ARHGEF7: variants seen among roughly 807,000 people sequenced by gnomAD.
ARHGEF7 encodes PAK-interacting exchange factor beta.
Under a neutral mutation model 109.8 loss-of-function variants are expected in ARHGEF7, and 33 were observed. That is an observed-to-expected ratio of 0.30 (90% CI 0.23 to 0.40). The LOEUF is 0.40. Ranked by LOEUF, ARHGEF7 falls within the 10% of genes least tolerant of loss-of-function variation. The pLI, the probability that ARHGEF7 is intolerant of heterozygous loss-of-function variation, is 1.00. For missense variants in ARHGEF7, 938 were observed against 1,098.5 expected, an observed-to-expected ratio of 0.85 and a Z score of 2.07; for synonymous variants, 458 against 424.6, an observed-to-expected ratio of 1.08 and a Z score of -0.97.
chr13:111,260,733 T>A (rs1462484840), intron 8 of ARHGEF7, among the ~76,000 whole-genome samples: 2 of 152,356 alleles, frequency 1.3e-5, no homozygotes, highest in Non-Finnish European at 1.5e-5. Context: ...ATGTGTAAAC[T>A]ACTCATATCT....
intron 2 of ARHGEF7, among the ~76,000 whole-genome samples, chr13:111,194,909 C>T (rs1171838057): frequency 6.6e-6 from 1 of 152,170 alleles, no homozygotes; most frequent in Non-Finnish European, 1.5e-5. Context: ...TCTGCTTCCT[C>T]TGGTATTTGA....
chr13:111,195,198 T>A (rs1235101964), intron 2 of ARHGEF7, among the ~76,000 whole-genome samples: 1 of 152,184 alleles, frequency 6.6e-6, no homozygotes, highest in East Asian at 1.9e-4. Flanking sequence ...GGTGGGCATT[T>A]TTTGCCCTTC....
At chr13:111,299,271 A>C (rs184519015) in intron 19 of ARHGEF7, among the ~76,000 whole-genome samples, 34 of 151,866 alleles carry the variant, frequency 2.2e-4, no homozygotes, top group African/African-American at 8.0e-4. Context: ...AAGCTTTGGC[A>C]TCATCCTTAA....
rs1022987631 is a variant in ARHGEF7, at chr13:111,152,725, T to C, written c.166-1180T>C. Among the ~76,000 whole-genome samples the C allele has an allele frequency of 2.6e-5, 4 of 152,256 alleles. No homozygotes were observed. The South Asian group carries it at 8.3e-4, about 31-fold the overall frequency. ...TCTAGATGACGCATTAGTTTAAATG[T>C]CAACGCTTAATGTCTTCACATGTAA... On this transcript the variant is annotated intron_variant, in intron 1 of 21. Transcript: ENST00000646102.
At chr13:111,287,124 C>T (rs777435011) in intron 17 of ARHGEF7, among the ~76,000 whole-genome samples, 4 of 152,222 alleles carry the variant, frequency 2.6e-5, no homozygotes, top group Admixed American at 6.5e-5. Flanking sequence ...GGTGACCGTG[C>T]TGGGGTGTTC....
intron 2 of ARHGEF7, among the ~76,000 whole-genome samples, chr13:111,205,002 A>G (rs9588381): frequency 2.0e-5 from 3 of 151,604 alleles, no homozygotes; most frequent in East Asian, 3.9e-4. Context: ...CCACCCCCCC[A>G]CCCCGCCCCG....
rs185057669 is a variant in ARHGEF7 at position 111,145,268 on chromosome 13, G to T, written c.166-8637G>T. 6.6e-6 allele frequency among the ~76,000 whole-genome samples: 1 copy of T among 152,146 alleles called. No homozygotes were observed. Among genetic ancestry groups the T allele is most frequent in the South Asian group, 2.1e-4 (1 of 4,816 alleles). ...ACATTGTGTTCTAATTTTAGATGCC[G>T]CCAGGAAGCTCTCCAGGTTAGGGCC... is the stretch of plus-strand genomic sequence containing the variant. On this transcript the variant is annotated intron_variant, in intron 1 of 21. Coordinates refer to ENST00000646102, the MANE Select transcript of ARHGEF7 (RefSeq NM_001354046.2). The surrounding 1 kb of genome is among the most constrained non-coding windows in gnomAD (Gnocchi z 4.3).
chr13:111,158,735 T>G (rs2076532646), intron 2 of ARHGEF7, among the ~76,000 whole-genome samples: 1 of 152,232 alleles, frequency 6.6e-6, no homozygotes, highest in Non-Finnish European at 1.5e-5. Flanking sequence ...TTATATTTTG[T>G]TTTTAAATTG....
chr13:111,216,291 T>C (rs890612393), intron 4 of ARHGEF7, among the ~76,000 whole-genome samples: 1 of 151,978 alleles, frequency 6.6e-6, no homozygotes, highest in Non-Finnish European at 1.5e-5. Flanking sequence ...GGGGTGATGA[T>C]TGGCCTGCTA....
intron 8 of ARHGEF7, among the ~76,000 whole-genome samples, chr13:111,252,063 C>T (rs1358258952): frequency 6.6e-6 from 1 of 152,110 alleles, no homozygotes; most frequent in Non-Finnish European, 1.5e-5. Context: ...CTTGTGTGGT[C>T]CTGGAAGGTG....
At position 111,275,552 on chromosome 13, in the gene ARHGEF7, G is replaced by T; in HGVS notation, c.1293G>T (p.Arg431=). The T allele has an allele frequency of 6.2e-7, 1 of 1,613,958 alleles. No homozygotes were observed. The highest frequency in any genetic ancestry group is 8.5e-7 in the Non-Finnish European group (1 of 1,179,928). Residue 431 remains arginine, a synonymous_variant, in exon 12 of 22, where the codon CGG becomes CGT. Coordinates refer to ENST00000646102, the MANE Select transcript of ARHGEF7 (RefSeq NM_001354046.2). ...GTCAGGCCCAATGTCAAGAAGTCCG[G>T]AAGAGGAAAGAGCTTGAGCTGCAGA... ...KNLSAQCQEV[R]KRKELELQIL... is the part of the protein sequence containing the mutation.
At position 111,159,026 on chromosome 13, in the gene ARHGEF7, G is replaced by A. The variant is rs1181335787; in HGVS notation, c.252+5035G>A. On this transcript the variant is annotated intron_variant, in intron 2 of 21. Coordinates refer to ENST00000646102, the MANE Select transcript of ARHGEF7 (RefSeq NM_001354046.2). ...CTAACATCTCCCCTTTCCCTGTCTA[G>A]CTCCTGTTTCCTCCTTCCCAGCCTC... is the stretch of plus-strand genomic sequence containing the variant. 8 of 718,208 alleles carry A rather than the reference G, an allele frequency of 1.1e-5. No individual in the cohort carries two copies. In the Admixed American group the frequency reaches 1.6e-4, roughly 14 times the overall value. The allele number at this position is 718,208 out of a possible 1,614,324, so 44.5% of individuals were successfully genotyped here.
At chr13:111,253,318 T>C (rs1407936455) in intron 8 of ARHGEF7, among the ~76,000 whole-genome samples, 3 of 152,262 alleles carry the variant, frequency 2.0e-5, no homozygotes, top group African/African-American at 7.2e-5. Context: ...TGGAATCTAA[T>C]AGTATCTTTT....
At chr13:111,169,231 C>G (rs961870795) in intron 2 of ARHGEF7, among the ~76,000 whole-genome samples, 9 of 152,148 alleles carry the variant, frequency 5.9e-5, no homozygotes, top group African/African-American at 2.2e-4. Flanking sequence ...GTCGTTAATG[C>G]CACTGTATTA....
chr13:111,117,903 C>T (rs1404136113), intron 1 of ARHGEF7, among the ~76,000 whole-genome samples: 1 of 152,250 alleles, frequency 6.6e-6, no homozygotes, highest in Non-Finnish European at 1.5e-5. Context: ...ACCAGATAAT[C>T]TATGCCACAA....
intron 8 of ARHGEF7, among the ~76,000 whole-genome samples, chr13:111,259,512 A>C (rs542826600): frequency 6.6e-6 from 1 of 152,196 alleles, no homozygotes; most frequent in Admixed American, 6.5e-5. Flanking sequence ...GGTGGTTCCT[A>C]TGTGAATCAG....
At chr13:111,281,583 TTCA>T (rs1255465919) in intron 15 of ARHGEF7, among the ~76,000 whole-genome samples, 1 of 152,230 alleles carries the variant, frequency 6.6e-6, no homozygotes, top group Non-Finnish European at 1.5e-5. Context: ...TAGCTAGCAT[TTCA>T]TTTTTAATGG....
intron 5 of ARHGEF7, among the ~76,000 whole-genome samples, chr13:111,230,175 A>G (rs953579231): frequency 6.6e-6 from 1 of 152,110 alleles, no homozygotes; most frequent in African/African-American, 2.4e-5. Flanking sequence ...AGTTTATTTT[A>G]AGAAAGGGAA....
intron 16 of ARHGEF7, 123 bp downstream of exon 16, chr13:111,283,486 A>G: frequency 1.4e-6 from 2 of 1,417,958 alleles, no homozygotes; most frequent in Non-Finnish European, 1.9e-6. Context: ...AGAACTGAGA[A>G]GGGGGGGTCT....
Sources: gnomAD v4.1 joint callset for allele counts (sites outside exome capture counted in the v4.1 genomes callset) on GRCh38, gnomAD v4.1.1 for gene constraint, Gnocchi (gnomAD v3.1) non-coding constraint, MANE v1.5 for transcripts, NCBI Gene and HGNC (gene_info 2026-07-23, HGNC 2026-07-21) for gene names.